The following EPSTI1 variants were observed in gnomAD, a reference collection of about 807,000 sequenced individuals.
EPSTI1 encodes epithelial stromal interaction 1.
EPSTI1 carries 66 observed loss-of-function variants against 49.9 expected under a neutral mutation model. The observed-to-expected ratio is 1.32, with a 90% CI of 1.08 to 1.62. EPSTI1 has a LOEUF of 1.62. Among genes scored for constraint, EPSTI1 ranks in the 40% most tolerant of loss-of-function variants. EPSTI1 has a pLI of 0.00. For synonymous variants in EPSTI1, 137 were observed against 130.7 expected, an observed-to-expected ratio of 1.05 and a Z score of -0.33; for missense variants, 394 against 365.5, an observed-to-expected ratio of 1.08 and a Z score of -0.64.
At chr13:42,968,471 A>G (rs1019368110) in intron 3 of EPSTI1, among the ~76,000 whole-genome samples, 2 of 152,120 alleles carry the variant, frequency 1.3e-5, no homozygotes, top group Admixed American at 1.3e-4. Context: ...GAAGAGAAAA[A>G]GCAAAGAAAA....
In EPSTI1 at chr13:42,926,568, A is replaced by C. The variant is rs7335826; in HGVS notation, c.564-139T>G. On this transcript the variant is annotated intron_variant, in intron 6 of 10. Transcript: ENST00000313624. ...AGCAGAACAGAAAGTTACGTTGAGA[A>C]CAAGGTGTAGCAGAAATCAAAACAA... 2,462 of 682,862 alleles carry C rather than the reference A, an allele frequency of 3.6e-3. 41 individuals are homozygous for C. In the African/African-American group the frequency reaches 0.037, roughly 10 times the overall value. The allele number at this position is 682,862 out of a possible 1,614,324, so 42.3% of individuals were successfully genotyped here.
intron 1 of EPSTI1, among the ~76,000 whole-genome samples, chr13:42,988,986 G>A (rs183324616): frequency 1.9e-4 from 29 of 150,212 alleles, no homozygotes; most frequent in African/African-American, 6.6e-4. Context: ...TCAGCCTCTT[G>A]AGTAGCTGGG....
At chr13:42,909,258 A>C (rs1349348220) in intron 8 of EPSTI1, among the ~76,000 whole-genome samples, 1 of 152,134 alleles carries the variant, frequency 6.6e-6, no homozygotes, top group Non-Finnish European at 1.5e-5. Flanking sequence ...CCCCATTACA[A>C]GGCTATCATC....
intron 6 of EPSTI1, among the ~76,000 whole-genome samples, chr13:42,943,454 G>C (rs1251877704): frequency 6.6e-6 from 1 of 152,092 alleles, no homozygotes; most frequent in Admixed American, 6.6e-5. Flanking sequence ...ATCTTCTTCT[G>C]AGTTAGCAGT....
Position 42,964,387 on chromosome 13 carries a change from A to C in EPSTI1, c.332-248T>G, listed in dbSNP as rs1594739951. On this transcript the variant is annotated intron_variant, in intron 3 of 10. Transcript: ENST00000313624. ...AAGAGCACTTTTACTAAGGTTTTTC[A>C]ATCATGTAGGTATTAAAGTTTTCAC... Among the ~76,000 whole-genome samples the C allele has an allele frequency of 3.3e-5, 5 of 152,278 alleles. 1 individual carries two copies. The highest frequency in any genetic ancestry group is 3.3e-4 in the Admixed American group (5 of 15,304).
Position 42,900,383 on chromosome 13 carries a change from T to C in EPSTI1, c.742A>G (p.Ser248Gly). 1 of 1,613,444 alleles carries C rather than the reference T, an allele frequency of 6.2e-7. No homozygotes were observed. Among genetic ancestry groups the C allele is most frequent in the Non-Finnish European group, 8.5e-7 (1 of 1,179,566 alleles). ...TGCCGTTTCAGTTCCAGTAATTCACTCTAGGAACAATAAAAGTTTTAAAAT... is the reference window on the plus strand; with the variant it reads ...TGCCGTTTCAGTTCCAGTAATTCACCCTAGGAACAATAAAAGTTTTAAAAT... ...QKMKDEQHQK[S>G]ELLELKRQQQ... The change falls in exon 9 of 11, where the codon AGT becomes GGT. Residue 248 changes from serine to glycine, a missense_variant and splice_region_variant. By Grantham distance (56) the Ser-to-Gly change is moderately conservative. Transcript: ENST00000313624.
chr13:42,909,130 T>C (rs1316205312), intron 8 of EPSTI1, among the ~76,000 whole-genome samples: 2 of 152,110 alleles, frequency 1.3e-5, no homozygotes, highest in African/African-American at 2.4e-5. Flanking sequence ...GCAAAAGGCC[T>C]GTGTAGCTAT....
intron 6 of EPSTI1, among the ~76,000 whole-genome samples, chr13:42,938,932 A>AAAAAAAAAAAC (rs1566136910): frequency 6.7e-6 from 1 of 149,768 alleles, no homozygotes; most frequent in Non-Finnish European, 1.5e-5. Context: ...AAAAAAAAAA[A>AAAAAAAAAAAC]TCTGTTGTTT....
intron 2 of EPSTI1, 164 bp from the exon 3 acceptor site, chr13:42,969,341 C>T: frequency 1.5e-6 from 1 of 682,526 alleles, no homozygotes; most frequent in Non-Finnish European, 2.4e-6. Flanking sequence ...CTGACCCGTA[C>T]AGGTCATCCT....
chr13:42,903,055 A>G (rs1272678611), intron 8 of EPSTI1, among the ~76,000 whole-genome samples: 1 of 152,186 alleles, frequency 6.6e-6, no homozygotes, highest in Non-Finnish European at 1.5e-5. Flanking sequence ...CACTTTCATT[A>G]ATCCTATTTC....
intron 1 of EPSTI1, among the ~76,000 whole-genome samples, chr13:42,974,047 A>G (rs1182038155): frequency 6.6e-6 from 1 of 152,198 alleles, no homozygotes; most frequent in Non-Finnish European, 1.5e-5. Context: ...ATATTCAAGA[A>G]ATGTTTGGCC....
chr13:42,909,690 T>C (rs1292215805), intron 8 of EPSTI1, among the ~76,000 whole-genome samples: 1 of 151,918 alleles, frequency 6.6e-6, no homozygotes, highest in Non-Finnish European at 1.5e-5. Flanking sequence ...GAAAGACAAA[T>C]ACCACATGAT....
chr13:42,989,893 T>A (rs2040164041), intron 1 of EPSTI1, among the ~76,000 whole-genome samples: 1 of 151,890 alleles, frequency 6.6e-6, no homozygotes, highest in African/African-American at 2.4e-5. Context: ...ATGCCCGGCC[T>A]CTTCATTTTT....
At chr13:42,982,761 C>A (rs1295929420) in intron 1 of EPSTI1, among the ~76,000 whole-genome samples, 1 of 151,072 alleles carries the variant, frequency 6.6e-6, no homozygotes, top group African/African-American at 2.4e-5. Flanking sequence ...CCTCTCTGAC[C>A]TTCTCCCATC....
chr13:42,959,856 C>T (rs761987695), intron 5 of EPSTI1, among the ~76,000 whole-genome samples: 9 of 152,122 alleles, frequency 5.9e-5, no homozygotes, highest in Admixed American at 1.3e-4. Context: ...AACCAACTTC[C>T]GATGGAAAAT....
Position 42,917,639 on chromosome 13 carries a change from A to ATAC in EPSTI1, c.658-16_658-15insGTA. On this transcript the variant is annotated splice_polypyrimidine_tract_variant and intron_variant, in intron 7 of 10. Coordinates refer to ENST00000313624, the MANE Select transcript of EPSTI1 (RefSeq NM_033255.5). ...CAGCTTCTGGCCTGTAAAGGTACAA[A>ATAC]GAGAAAAAAAAAAAAAAAAACAACT... 9 of 1,133,180 alleles carry ATAC rather than the reference A, an allele frequency of 7.9e-6. No individual in the cohort carries two copies. Among genetic ancestry groups the ATAC allele is most frequent in the Non-Finnish European group, 1.1e-5 (9 of 817,578 alleles). 70.2% of individuals were successfully genotyped at this position (1,133,180 alleles called of 1,614,324 possible). A position where few individuals can be genotyped will look rare whatever the true frequency, so the allele number is the denominator to read the frequency against.
chr13:42,926,991 AC>A (rs1193068615), intron 6 of EPSTI1, among the ~76,000 whole-genome samples: 4 of 294 alleles, frequency 0.014, no homozygotes, highest in African/African-American at 0.029. Flanking sequence ...CTGTTAACAG[AC>A]ACACACACAC....
intron 6 of EPSTI1, among the ~76,000 whole-genome samples, chr13:42,932,515 G>A (rs916153544): frequency 4.6e-5 from 7 of 151,692 alleles, no homozygotes; most frequent in African/African-American, 1.5e-4. Context: ...CTTTCCAAGG[G>A]GGCAAAAGTC....
In EPSTI1 at chr13:42,966,692, G is replaced by T. The variant is rs1463508035; in HGVS notation, c.331+2402C>A. On this transcript the variant is annotated intron_variant, in intron 3 of 10. Coordinates refer to ENST00000313624, the MANE Select transcript of EPSTI1 (RefSeq NM_033255.5). Reference sequence around the variant, plus strand: ...CAGCCACCCCGGCCGGGAGGGAGGTGGGGGGGTCAGCCCCCCGCCCGGCCA... The same window carrying T: ...CAGCCACCCCGGCCGGGAGGGAGGTTGGGGGGTCAGCCCCCCGCCCGGCCA... Among the ~76,000 whole-genome samples, 345 of 82,202 alleles carry T rather than the reference G, an allele frequency of 4.2e-3. 107 individuals carry two copies. The highest frequency in any genetic ancestry group is 6.1e-3 in the Non-Finnish European group (221 of 36,390). The allele number at this position is 82,202 out of a possible 152,430, so 53.9% of individuals were successfully genotyped here.
Sources: gnomAD v4.1 joint callset for allele counts (sites outside exome capture counted in the v4.1 genomes callset) on GRCh38, gnomAD v4.1.1 for gene constraint, MANE v1.5 for transcripts, NCBI Gene and HGNC (gene_info 2026-07-23, HGNC 2026-07-21) for gene names.